The following TECRL variants were observed in gnomAD, a reference collection of about 807,000 sequenced individuals.
The protein encoded by TECRL is trans-2,3-enoyl-CoA reductase-like.
A neutral mutation model predicts 52.8 loss-of-function variants in TECRL; 63 were observed. The observed-to-expected ratio is 1.19, with a 90% confidence interval of 0.97 to 1.47. The LOEUF is 1.47. Ranked by LOEUF, TECRL falls within the 40% of genes most tolerant of loss-of-function variation. The pLI, the probability that TECRL is intolerant of heterozygous loss-of-function variation, is 0.00. For missense variants in TECRL, 482 were observed against 429.6 expected (o/e 1.12, Z -1.08); for synonymous variants, 164 against 141.9 (o/e 1.16, Z -1.10).
chr4:64,308,663 C>T lies in TECRL; in HGVS notation c.657+1163G>A, dbSNP rs569869469. On this transcript the variant is annotated intron_variant, in intron 6 of 11. Coordinates refer to ENST00000381210, the MANE Select transcript of TECRL (RefSeq NM_001010874.5). ...CTCTGCCCTAATCACTGTCTAGTGGCCATGTGTCTTAATTCTTCTTGGTTG... is the reference window on the plus strand; with the variant it reads ...CTCTGCCCTAATCACTGTCTAGTGGTCATGTGTCTTAATTCTTCTTGGTTG... 2.0e-5 allele frequency among the ~76,000 whole-genome samples: 3 copies of T among 152,258 alleles called. No homozygotes were observed. In the South Asian group the frequency reaches 6.2e-4, roughly 32 times the overall value.
At chr4:64,313,476 C>CTTTTTTTTTTTTT (rs565143298) in intron 5 of TECRL, among the ~76,000 whole-genome samples, 1 of 66,320 alleles carries the variant, frequency 1.5e-5, no homozygotes, top group African/African-American at 5.3e-5. Context: ...TGCCTTACTC[C>CTTTTTTTTTTTTT]TTTTTTTTTT....
intron 6 of TECRL, among the ~76,000 whole-genome samples, chr4:64,307,521 C>A (rs1423314638): frequency 6.6e-6 from 1 of 152,102 alleles, no homozygotes; most frequent in African/African-American, 2.4e-5. Context: ...TCTCCCCATC[C>A]AAGTTCACCC....
chr4:64,396,616 T>A (rs1243885890), intron 1 of TECRL, among the ~76,000 whole-genome samples: 1 of 152,192 alleles, frequency 6.6e-6, no homozygotes, highest in Non-Finnish European at 1.5e-5. Flanking sequence ...CTGTTTACTC[T>A]GTTGGTAGTT....
At chr4:64,386,594 G>A (rs549837805) in intron 1 of TECRL, among the ~76,000 whole-genome samples, 9 of 152,182 alleles carry the variant, frequency 5.9e-5, no homozygotes, top group African/African-American at 2.2e-4. Context: ...TTGCTTATTA[G>A]AGGATTTATC....
At chr4:64,312,565 C>G (rs1314390635) in intron 5 of TECRL, among the ~76,000 whole-genome samples, 1 of 152,014 alleles carries the variant, frequency 6.6e-6, no homozygotes, top group Non-Finnish European at 1.5e-5. Flanking sequence ...AGTTCAAGAA[C>G]AGCCTGGGCA....
At chr4:64,293,763 T>A (rs1244059265) in intron 8 of TECRL, among the ~76,000 whole-genome samples, 2 of 151,914 alleles carry the variant, frequency 1.3e-5, no homozygotes, top group Non-Finnish European at 2.9e-5. Context: ...AATATAGAAT[T>A]GGTAGCCATC....
intron 8 of TECRL, chr4:64,298,826 T>G (rs1420663850): frequency 6.6e-6 from 1 of 151,190 alleles, no homozygotes; most frequent in African/African-American, 2.4e-5. Context: ...ATCCATGAAT[T>G]TATTCTTCTC....
chr4:64,365,610 A>G (rs908298013), intron 2 of TECRL, among the ~76,000 whole-genome samples: 1 of 152,126 alleles, frequency 6.6e-6, no homozygotes, highest in Admixed American at 6.6e-5. Flanking sequence ...GAGCCAAAAC[A>G]AAAATACAAT....
chr4:64,345,325 G>C (rs368214778), intron 2 of TECRL, among the ~76,000 whole-genome samples: 1 of 152,036 alleles, frequency 6.6e-6, no homozygotes, highest in Non-Finnish European at 1.5e-5. Flanking sequence ...TGATAGACTG[G>C]ATTAAGAAAA....
At chr4:64,316,555 A>G (rs1054106295) in intron 4 of TECRL, among the ~76,000 whole-genome samples, 1 of 152,270 alleles carries the variant, frequency 6.6e-6, no homozygotes, top group African/African-American at 2.4e-5. Flanking sequence ...GATGAAGAAA[A>G]TAAGGGCTAG....
intron 1 of TECRL, among the ~76,000 whole-genome samples, chr4:64,406,165 C>CGCGCGT (rs567557448): frequency 1.4e-5 from 2 of 146,082 alleles, no homozygotes; most frequent in South Asian, 2.1e-4. Context: ...CGCGCGCGCG[C>CGCGCGT]GTGTGTGTGT....
At chr4:64,331,718 C>T (rs1169518025) in intron 2 of TECRL, among the ~76,000 whole-genome samples, 2 of 151,914 alleles carry the variant, frequency 1.3e-5, no homozygotes, top group African/African-American at 2.4e-5. Context: ...ACCTTTTGTA[C>T]CTTATGATTA....
chr4:64,398,767 G>C (rs549707476), intron 1 of TECRL, among the ~76,000 whole-genome samples: 1 of 152,138 alleles, frequency 6.6e-6, no homozygotes, highest in African/African-American at 2.4e-5. Context: ...GAAGAGTTTC[G>C]AGAGTTCAGA....
intron 2 of TECRL, among the ~76,000 whole-genome samples, chr4:64,363,057 A>G (rs1211436793): frequency 6.6e-6 from 1 of 152,144 alleles, no homozygotes; most frequent in African/African-American, 2.4e-5. Context: ...TTTAGGCAAA[A>G]TAAACTTTAA....
chr4:64,300,500 TA>T (rs554320422), intron 7 of TECRL, among the ~76,000 whole-genome samples: 22 of 148,958 alleles, frequency 1.5e-4, no homozygotes, highest in South Asian at 2.1e-4. Context: ...GACCTTAAAA[TA>T]AAAAAAAATA....
Position 64,305,175 on chromosome 4 carries a change from T to C in TECRL, c.721A>G (p.Thr241Ala), listed in dbSNP as rs1436371757. Residue 241 changes from threonine (T) to alanine (A), a missense_variant, in exon 7 of 12, where the codon ACA (threonine) becomes GCA (alanine). Physicochemically the swap from Thr to Ala is moderately conservative, Grantham distance 58. Coordinates refer to ENST00000381210, the MANE Select transcript of TECRL (RefSeq NM_001010874.5). ...AAGAAACCCTACATACATGGTGGTG[T>C]ATATAGTGGATGATTAATGTAGTAG... is the stretch of plus-strand genomic sequence containing the variant. Reference protein sequence around the residue: ...IAYYINHPLYTPPSFGNRQIT... With the variant: ...IAYYINHPLYAPPSFGNRQIT... 2 of 1,611,914 alleles carry C rather than the reference T, an allele frequency of 1.2e-6. No homozygotes were observed. Among genetic ancestry groups the C allele is most frequent in the Non-Finnish European group, 1.7e-6 (2 of 1,178,610 alleles).
At chr4:64,289,609 C>G (rs548229358) in intron 9 of TECRL, 101 bp downstream of exon 9, 1 of 922,718 alleles carries the variant, frequency 1.1e-6, no homozygotes, top group African/African-American at 1.8e-5. Flanking sequence ...GTATTTCCAA[C>G]TATTGATATT....
chr4:64,379,247 TACACACACACACACAC>T (rs4034911), intron 1 of TECRL, among the ~76,000 whole-genome samples: 5,156 of 145,412 alleles, frequency 0.035, 95 homozygotes, highest in Non-Finnish European at 0.049. Flanking sequence ...CACACACACA[TACACACACACACACAC>T]ACACACACAC....
rs568595699 is a variant in TECRL at position 64,281,506 on chromosome 4, A to G, written c.886T>C (p.Phe296Leu). 6.2e-7 allele frequency: 1 copy of G among 1,605,456 alleles called. No individual in the cohort carries two copies. Among genetic ancestry groups the G allele is most frequent in the South Asian group, 1.1e-5 (1 of 90,124 alleles). The change falls in exon 10 of 12, where the codon TTC becomes CTC. Residue 296 changes from phenylalanine (F) to leucine (L), a missense_variant. By Grantham distance (22) the Phe-to-Leu change is conservative (BLOSUM62 0). Coordinates refer to ENST00000381210, the MANE Select transcript of TECRL (RefSeq NM_001010874.5). ...PNYNPFTWMF[F>L]LVSCPNYTYE... ...GTGTAGTTAGGACATGAAACCAGGA[A>G]AAACATCCATGTGAAGGGGTTATAA...
Sources: allele counts gnomAD v4.1 joint callset (sites outside exome capture counted in the v4.1 genomes callset), GRCh38; gene constraint gnomAD v4.1.1; transcripts MANE v1.5; gene names NCBI Gene and HGNC (gene_info 2026-07-23, HGNC 2026-07-21).